Variants in GABBR2 observed in about 807,000 individuals in gnomAD.
The protein encoded by GABBR2 is G-protein coupled receptor 51.
A neutral mutation model predicts 105.6 loss-of-function variants in GABBR2; 23 were observed. The observed-to-expected ratio is 0.22, with a 90% CI of 0.16 to 0.31. The LOEUF is 0.31. GABBR2 is among the 10% of genes least tolerant of loss of function. The probability of loss-of-function intolerance (pLI) is 1.00; values close to 1 mark genes in which losing one functional copy is unlikely to be tolerated. For missense variants in GABBR2, 734 were observed against 1,245.5 expected, an observed-to-expected ratio of 0.59 and a Z score of 6.18; for synonymous variants, 478 against 499.7, an observed-to-expected ratio of 0.96 and a Z score of 0.58.
chr9:98,306,237 T>G lies in GABBR2; in HGVS notation c.2113A>C (p.Ile705Leu). Residue 705 changes from isoleucine (I) to leucine (L), a missense_variant, in exon 15 of 19, where the codon ATC (isoleucine) becomes CTC (leucine). By Grantham distance (5) the Ile-to-Leu change is conservative (BLOSUM62 2). This residue lies in a region of GABBR2 where 91 missense variants were observed against 185.9 expected (regional missense o/e 0.49). Transcript: ENST00000259455. The surrounding 1 kb of genome is among the most constrained non-coding windows in gnomAD (Gnocchi z 5.4). ...GTCAGGAAGGAGACAGCGGCCCCGATGATGCACATGATCCCCACGTTGTAG... is the reference window on the plus strand; with the variant it reads ...GTCAGGAAGGAGACAGCGGCCCCGAGGATGCACATGATCCCCACGTTGTAG... ...SVYNVGIMCIIGAAVSFLTRD... is the reference protein window; with the variant it reads ...SVYNVGIMCILGAAVSFLTRD... 1 of 1,614,160 alleles carries G rather than the reference T, an allele frequency of 6.2e-7. No homozygotes were observed. Among genetic ancestry groups the G allele is most frequent in the Non-Finnish European group, 8.5e-7 (1 of 1,180,004 alleles).
At chr9:98,427,053 T>C (rs978537777) in intron 7 of GABBR2, among the ~76,000 whole-genome samples, 1 of 151,992 alleles carries the variant, frequency 6.6e-6, no homozygotes, top group Non-Finnish European at 1.5e-5. Flanking sequence ...GAAAGAGAAA[T>C]GGAAGGCAGG....
intron 11 of GABBR2, among the ~76,000 whole-genome samples, chr9:98,379,913 A>C (rs2131477180): frequency 6.6e-6 from 1 of 152,272 alleles, no homozygotes; most frequent in South Asian, 2.1e-4. Context: ...CTGAGACAAA[A>C]ATTTTGGTAA....
chr9:98,665,981 C>T (rs1235843633), intron 1 of GABBR2, among the ~76,000 whole-genome samples: 1 of 152,224 alleles, frequency 6.6e-6, no homozygotes, highest in Non-Finnish European at 1.5e-5. Flanking sequence ...GCCAGCACCA[C>T]TGTCTGTCTG....
intron 2 of GABBR2, among the ~76,000 whole-genome samples, chr9:98,577,398 G>T (rs184414608): frequency 6.0e-4 from 91 of 152,356 alleles, no homozygotes; most frequent in African/African-American, 2.1e-3. Flanking sequence ...CCAGGGCAAA[G>T]AGTGAATAAT....
At chr9:98,594,661 G>A (rs902700315) in intron 1 of GABBR2, among the ~76,000 whole-genome samples, 1 of 152,232 alleles carries the variant, frequency 6.6e-6, no homozygotes, top group African/African-American at 2.4e-5. Context: ...AAAATCTGAA[G>A]AGCAGCAGCC....
At position 98,394,381 on chromosome 9, in the gene GABBR2, A is replaced by G. The variant is rs201907689; in HGVS notation, c.1298-126T>C. 3.1e-4 allele frequency: 208 copies of G among 673,260 alleles called. 1 individual carries two copies. In the East Asian group the frequency reaches 4.4e-3, roughly 14 times the overall value. 41.7% of individuals were successfully genotyped at this position (673,260 alleles called of 1,614,324 possible). A position where few individuals can be genotyped will look rare whatever the true frequency, so the allele number is the denominator to read the frequency against. On this transcript the variant is annotated intron_variant, in intron 8 of 18. Coordinates refer to ENST00000259455, the MANE Select transcript of GABBR2 (RefSeq NM_005458.8). Reference sequence around the variant, plus strand: ...ATTCTGGCAGGCTTCCCTTTCTCCAATGCCTCTTCTGGTTAGAATCACAAA... The same window carrying G: ...ATTCTGGCAGGCTTCCCTTTCTCCAGTGCCTCTTCTGGTTAGAATCACAAA...
intron 13 of GABBR2, among the ~76,000 whole-genome samples, chr9:98,316,857 A>G (rs1720030190): frequency 6.6e-6 from 1 of 152,204 alleles, no homozygotes; most frequent in Non-Finnish European, 1.5e-5. Context: ...AGAGAGGTGA[A>G]GTAACTTGCC....
At chr9:98,418,471 G>T (rs545873076) in intron 7 of GABBR2, among the ~76,000 whole-genome samples, 2 of 152,062 alleles carry the variant, frequency 1.3e-5, no homozygotes, top group African/African-American at 2.4e-5. Context: ...GGAGGTCAGG[G>T]CTGCAGTGAG....
chr9:98,444,673 A>AT (rs71369561), intron 7 of GABBR2, among the ~76,000 whole-genome samples: 40,474 of 152,066 alleles, frequency 0.27, 6,264 homozygotes, highest in Middle Eastern at 0.38. Flanking sequence ...ACCTCTCGAA[A>AT]ATGTTTCTGA....
intron 13 of GABBR2, among the ~76,000 whole-genome samples, chr9:98,357,647 A>T (rs1257183544): frequency 6.7e-6 from 1 of 149,074 alleles, no homozygotes; most frequent in African/African-American, 2.5e-5. Context: ...GTCTCAAAAC[A>T]AAACAAAACA....
At chr9:98,363,128 G>T (rs1225406142) in intron 12 of GABBR2, among the ~76,000 whole-genome samples, 1 of 152,150 alleles carries the variant, frequency 6.6e-6, no homozygotes, top group Non-Finnish European at 1.5e-5. Context: ...GGTCTCTGTA[G>T]GTGCTAGTTC....
At chr9:98,485,193 G>C (rs1246188291) in intron 4 of GABBR2, among the ~76,000 whole-genome samples, 1 of 152,192 alleles carries the variant, frequency 6.6e-6, no homozygotes, top group Non-Finnish European at 1.5e-5. Context: ...GCCAGGTCTA[G>C]GGTTGGAGAC....
chr9:98,511,607 C>A (rs140985117), intron 3 of GABBR2, among the ~76,000 whole-genome samples: 52,152 of 151,702 alleles, frequency 0.34, 9,203 homozygotes, highest in Middle Eastern at 0.5. Context: ...TACAAACTAC[C>A]ATCAGAGAAT....
chr9:98,396,036 C>T (rs1007903628), intron 8 of GABBR2, among the ~76,000 whole-genome samples: 6 of 152,160 alleles, frequency 3.9e-5, no homozygotes, highest in Admixed American at 3.9e-4. Flanking sequence ...CCTAGGGCCC[C>T]AGTGGTAATA....
intron 4 of GABBR2, among the ~76,000 whole-genome samples, chr9:98,481,560 G>A (rs1295322912): frequency 6.6e-6 from 1 of 152,074 alleles, no homozygotes; most frequent in Non-Finnish European, 1.5e-5. Flanking sequence ...CAATTAAGAG[G>A]TTTCAGACTT....
intron 7 of GABBR2, among the ~76,000 whole-genome samples, chr9:98,408,322 G>A (rs1391889755): frequency 1.3e-5 from 2 of 152,204 alleles, no homozygotes; most frequent in Non-Finnish European, 2.9e-5. Context: ...ATGAGAGAAA[G>A]TAGAGGGCTT....
intron 13 of GABBR2, among the ~76,000 whole-genome samples, chr9:98,354,095 T>A (rs112764493): frequency 1.3e-5 from 2 of 152,228 alleles, no homozygotes. Context: ...ACCAGGTACA[T>A]TGTCAATGAG....
chr9:98,544,018 TTCCCTCCC>T (rs1257727074), intron 2 of GABBR2, among the ~76,000 whole-genome samples: 1 of 151,952 alleles, frequency 6.6e-6, no homozygotes, highest in African/African-American at 2.4e-5. Flanking sequence ...TCCTCCCTCC[TTCCCTCCC>T]TCCCTCCCTC....
chr9:98,588,818 G>T (rs963242351), intron 1 of GABBR2, among the ~76,000 whole-genome samples: 3 of 152,192 alleles, frequency 2.0e-5, no homozygotes, highest in Non-Finnish European at 4.4e-5. Context: ...CCATGCCCAG[G>T]TTGGCCTGTA....
Sources: gnomAD v4.1 joint callset for allele counts (sites outside exome capture counted in the v4.1 genomes callset) on GRCh38, gnomAD v4.1.1 for gene constraint, gnomAD v4.1.1 regional missense constraint, Gnocchi (gnomAD v3.1) non-coding constraint, MANE v1.5 for transcripts, NCBI Gene and HGNC (gene_info 2026-07-23, HGNC 2026-07-21) for gene names.